GRIN2B: variants seen among roughly 807,000 people sequenced by gnomAD.
GRIN2B encodes the protein glutamate receptor ionotropic, NMDA 2B.
GRIN2B carries 5 observed loss-of-function variants against 114.5 expected under a neutral mutation model. That is an observed-to-expected ratio of 0.04 (90% CI 0.02 to 0.09). The LOEUF is 0.09. Ranked by LOEUF, GRIN2B falls within the 10% of genes least tolerant of loss-of-function variation. The probability of loss-of-function intolerance (pLI) is 1.00; values close to 1 mark genes in which losing one functional copy is unlikely to be tolerated. For missense variants in GRIN2B, 1,108 were observed against 1,943.5 expected (o/e 0.57, Z 8.08); for synonymous variants, 787 against 745.1 (o/e 1.06, Z -0.92).
intron 5 of GRIN2B, among the ~76,000 whole-genome samples, chr12:13,643,981 G>C (rs1949741669): frequency 6.6e-6 from 1 of 152,056 alleles, no homozygotes; most frequent in African/African-American, 2.4e-5. Context: ...TCATCCATGA[G>C]GGCCGGAATA....
In GRIN2B at chr12:13,624,762, C is replaced by T. The variant is rs973267391; in HGVS notation, c.1126-8105G>A. Among the ~76,000 whole-genome samples, 7 of 152,274 alleles carry T rather than the reference C, an allele frequency of 4.6e-5. 1 individual carries two copies. Among genetic ancestry groups the T allele is most frequent in the African/African-American group, 2.4e-5 (1 of 41,542 alleles). ...GACACTGAGACATCCATTGCCATCT[C>T]GGGCCTCAGATGCTATCCCTGGCTG... On this transcript the variant is annotated intron_variant, in intron 5 of 13. Coordinates refer to ENST00000609686, the MANE Select transcript of GRIN2B (RefSeq NM_000834.5).
At chr12:13,688,085 C>G (rs1950186546) in intron 4 of GRIN2B, among the ~76,000 whole-genome samples, 1 of 152,026 alleles carries the variant, frequency 6.6e-6, no homozygotes, top group South Asian at 2.1e-4. Context: ...TAATGAAGGC[C>G]CAAGGTTGGG....
chr12:13,607,051 G>C (rs1246713543), intron 10 of GRIN2B, among the ~76,000 whole-genome samples: 1 of 146,264 alleles, frequency 6.8e-6, no homozygotes. Context: ...CCTCAGTGTG[G>C]GTACACAGCA....
At position 13,547,981 on chromosome 12, in the gene GRIN2B, A is replaced by ATATATTTT; in HGVS notation, c.*14801_*14802insAAAATATA. The ATATATTTT allele has an allele frequency of 7.1e-4, 49 of 68,582 alleles. No individual in the cohort carries two copies. Among genetic ancestry groups the ATATATTTT allele is most frequent in the African/African-American group, 1.6e-3 (34 of 21,774 alleles). The allele number at this position is 68,582 out of a possible 1,614,324, so 4.2% of individuals were successfully genotyped here. On this transcript the variant is annotated 3_prime_UTR_variant, in exon 14 of 14. Coordinates refer to ENST00000609686, the MANE Select transcript of GRIN2B (RefSeq NM_000834.5). ...TGTGTATATATATATATATATATATATTTTTTTTTTTTTTCTGAAAGCTAC... is the reference window on the plus strand; with the variant it reads ...TGTGTATATATATATATATATATATATATATTTTTTTTTTTTTTTTTTCTGAAAGCTAC...
At chr12:13,769,136 C>G (rs1486920035) in intron 3 of GRIN2B, among the ~76,000 whole-genome samples, 1 of 152,160 alleles carries the variant, frequency 6.6e-6, no homozygotes, top group East Asian at 1.9e-4. Flanking sequence ...TCTACAGCTT[C>G]CCATTTTCAT....
chr12:13,817,696 A>G (rs183121170), intron 3 of GRIN2B, among the ~76,000 whole-genome samples: 179 of 152,344 alleles, frequency 1.2e-3, no homozygotes, highest in African/African-American at 4.0e-3. Context: ...GAATAACCCA[A>G]TGATGAGTAA....
At chr12:13,794,565 T>C (rs73053682) in intron 3 of GRIN2B, among the ~76,000 whole-genome samples, 23,983 of 151,846 alleles carry the variant, frequency 0.16, 2,453 homozygotes, top group Non-Finnish European at 0.22. Context: ...TCCAAGAAAA[T>C]AAAATAGTTT....
At chr12:13,666,708 G>C (rs906157713) in intron 5 of GRIN2B, among the ~76,000 whole-genome samples, 1 of 152,078 alleles carries the variant, frequency 6.6e-6, no homozygotes, top group African/African-American at 2.4e-5. Flanking sequence ...TTTCTGGCCA[G>C]CTCTCATAAA....
intron 3 of GRIN2B, among the ~76,000 whole-genome samples, chr12:13,818,862 T>C (rs768805151): frequency 5.9e-5 from 9 of 152,180 alleles, no homozygotes; most frequent in South Asian, 2.1e-4. Context: ...GTCTCTTTCA[T>C]ACTAAAAGCT....
chr12:13,921,072 T>A (rs1387550508), intron 2 of GRIN2B, among the ~76,000 whole-genome samples: 2 of 152,166 alleles, frequency 1.3e-5, no homozygotes, highest in Non-Finnish European at 2.9e-5. Flanking sequence ...AAATAATCAC[T>A]GAAACATCAT....
chr12:13,822,789 CTTT>C (rs1555143725), intron 3 of GRIN2B, among the ~76,000 whole-genome samples: 1 of 57,160 alleles, frequency 1.7e-5, no homozygotes, highest in Admixed American at 2.1e-4. Flanking sequence ...ACAAAGCCTT[CTTT>C]TGATCACTGA....
chr12:13,964,467 G>A (rs1026808237), intron 2 of GRIN2B, among the ~76,000 whole-genome samples: 13 of 152,200 alleles, frequency 8.5e-5, no homozygotes, highest in Non-Finnish European at 1.8e-4. Context: ...AAAAAAGTCA[G>A]GATTGCAAGG....
At chr12:13,708,510 C>T (rs1950383115) in intron 4 of GRIN2B, among the ~76,000 whole-genome samples, 1 of 151,980 alleles carries the variant, frequency 6.6e-6, no homozygotes, top group Non-Finnish European at 1.5e-5. Context: ...ACCAACTGCC[C>T]CATGAAATAA....
chr12:13,885,922 T>A (rs1866149012), intron 2 of GRIN2B, among the ~76,000 whole-genome samples: 1 of 152,158 alleles, frequency 6.6e-6, no homozygotes, highest in African/African-American at 2.4e-5. Context: ...AATTGGCCAA[T>A]ATTTAGGCCT....
chr12:13,903,585 C>G lies in GRIN2B; in HGVS notation c.-18-37359G>C, dbSNP rs964086154. ...TCAGGAAGAACAAGGTCTTCCTGGC[C>G]TTAATTTCAGTCCCTTTGAAATTCA... On this transcript the variant is annotated intron_variant, in intron 2 of 13. Transcript: ENST00000609686. Among the ~76,000 whole-genome samples, 9 of 152,152 alleles carry G rather than the reference C, an allele frequency of 5.9e-5. No individual in the cohort carries two copies. The East Asian group carries it at 1.5e-3, about 26-fold the overall frequency.
chr12:13,769,432 C>A (rs147887318), intron 3 of GRIN2B, among the ~76,000 whole-genome samples: 1 of 152,096 alleles, frequency 6.6e-6, no homozygotes, highest in Middle Eastern at 3.2e-3. Context: ...CTCAGTGTTT[C>A]GTGCATATGC....
intron 2 of GRIN2B, among the ~76,000 whole-genome samples, chr12:13,958,943 C>T (rs918783092): frequency 4.6e-5 from 7 of 150,992 alleles, no homozygotes; most frequent in East Asian, 3.9e-4. Context: ...ATTTGGACCG[C>T]GGGAATTAGC....
intron 10 of GRIN2B, among the ~76,000 whole-genome samples, chr12:13,577,131 T>A (rs868018139): frequency 1.3e-5 from 2 of 152,196 alleles, no homozygotes. Context: ...TACTGCTGCC[T>A]ACTAGGGAGT....
At chr12:13,686,270 G>A in intron 4 of GRIN2B, among the ~76,000 whole-genome samples, 1 of 152,132 alleles carries the variant, frequency 6.6e-6, no homozygotes, top group African/African-American at 2.4e-5. Context: ...ATTGACCCTT[G>A]AGTCAGAATT....
Sources: gnomAD v4.1 joint callset for allele counts (sites outside exome capture counted in the v4.1 genomes callset) on GRCh38, gnomAD v4.1.1 for gene constraint, MANE v1.5 for transcripts, NCBI Gene and HGNC (gene_info 2026-07-23, HGNC 2026-07-21) for gene names.